The following MMUT variants were observed in gnomAD, a reference collection of about 807,000 sequenced individuals.
MMUT encodes methylmalonyl-CoA mutase, also known as methylmalonyl-CoA mutase, mitochondrial.
Under a neutral mutation model 79.9 loss-of-function variants are expected in MMUT, and 79 were observed. That is an observed-to-expected ratio of 0.99 (90% confidence interval 0.82 to 1.19). The LOEUF is 1.19. Among genes scored for constraint, MMUT ranks in the 50% most tolerant of loss-of-function variants. The probability of loss-of-function intolerance (pLI) is 0.00; values close to 1 mark genes in which losing one functional copy is unlikely to be tolerated. For synonymous variants in MMUT, 273 were observed against 295.7 expected, an observed-to-expected ratio of 0.92 and a Z score of 0.79; for missense variants, 860 against 917.2, an observed-to-expected ratio of 0.94 and a Z score of 0.81.
In MMUT at chr6:49,459,152, C is replaced by T; in HGVS notation, c.315G>A (p.Trp105Ter). The T allele has an allele frequency of 1.2e-6, 2 of 1,614,102 alleles. No individual in the cohort carries two copies. Among genetic ancestry groups the T allele is most frequent in the Non-Finnish European group, 1.7e-6 (2 of 1,180,000 alleles). ...TAAAACCAGCATACTGGCGGATGGT[C>T]CAGGGCCTAAAGGTATACATGGTAG... is the stretch of plus-strand genomic sequence containing the variant. ...PYPTMYTFRPWTIRQYAGFST... is the reference protein window; with the variant it reads ...PYPTMYTFRP Residue 105 changes from tryptophan (W) to a stop codon, truncating the protein, a stop_gained, in exon 2 of 13, where the codon TGG becomes TGA. Transcript: ENST00000274813. LOFTEE classifies it high-confidence loss of function.
intron 12 of MMUT, 93 bp downstream of exon 12, chr6:49,435,363 C>A: frequency 7.9e-7 from 1 of 1,268,620 alleles, no homozygotes; most frequent in Admixed American, 1.8e-5. Context: ...ATAATATGTT[C>A]CTAAATCTAC....
Position 49,457,992 on chromosome 6 carries a change from G to C in MMUT, c.452C>G (p.Pro151Arg). 6.2e-7 allele frequency: 1 copy of C among 1,606,420 alleles called. No individual in the cohort carries two copies. Among genetic ancestry groups the C allele is most frequent in the Non-Finnish European group, 8.5e-7 (1 of 1,179,924 alleles). ...ATHRGYDSDN[P>R]RVRGDVGMAG... ...CATTCCAACATCACCACGAACTCGA[G>C]GGTTGTCTGAATCATAGCCACGATG... The change falls in exon 3 of 13, where the codon CCT (proline) becomes CGT (arginine). Residue 151 changes from proline to arginine, a missense_variant. By Grantham distance (103) the Pro-to-Arg change is moderately radical. Transcript: ENST00000274813.
chr6:49,441,036 A>C (rs1211367297), intron 10 of MMUT, among the ~76,000 whole-genome samples: 1 of 152,138 alleles, frequency 6.6e-6, no homozygotes, highest in Non-Finnish European at 1.5e-5. Flanking sequence ...CAACACAAAA[A>C]AGCACTTATC....
In MMUT at chr6:49,442,882, G is replaced by A. The variant is rs142870976; in HGVS notation, c.1677-911C>T. Among the ~76,000 whole-genome samples the A allele has an allele frequency of 3.7e-3, 563 of 152,086 alleles. 13 individuals are homozygous for A. The highest frequency in any genetic ancestry group is 7.4e-3 in the East Asian group (38 of 5,170). ...CATCTAGCACATCTTGCAGACTATC[G>A]GAAGATTAGGTTTGAATATAAAAGG... On this transcript the variant is annotated intron_variant, in intron 9 of 12. Transcript: ENST00000274813.
chr6:49,457,545 A>T, intron 3 of MMUT, 146 bp downstream of exon 3: 1 of 654,934 alleles, frequency 1.5e-6, no homozygotes, highest in Non-Finnish European at 2.5e-6. Flanking sequence ...ACATAAAATT[A>T]GTACATTAAA....
chr6:49,449,585 G>C (rs752076866), intron 6 of MMUT, among the ~76,000 whole-genome samples: 1 of 152,066 alleles, frequency 6.6e-6, no homozygotes. Context: ...AAATGAACTC[G>C]AGACACAATG....
rs1766946751 is a variant in MMUT, at chr6:49,430,480, G to T, written c.*1248C>A. ...TTTACAAGGAAAAGTCAATAAAATGGCATAGTGAATATATCATTGGACTTG... is the reference window on the plus strand; with the variant it reads ...TTTACAAGGAAAAGTCAATAAAATGTCATAGTGAATATATCATTGGACTTG... On this transcript the variant is annotated 3_prime_UTR_variant, in exon 13 of 13. Coordinates refer to ENST00000274813, the MANE Select transcript of MMUT (RefSeq NM_000255.4). 6.6e-6 allele frequency: 1 copy of T among 152,100 alleles called. No individual in the cohort carries two copies. The highest frequency in any genetic ancestry group is 3.2e-3 in the Middle Eastern group (1 of 316). 9.4% of individuals were successfully genotyped at this position (152,100 alleles called of 1,614,324 possible).
At chr6:49,453,102 C>T (rs1767597255) in intron 5 of MMUT, among the ~76,000 whole-genome samples, 1 of 138,864 alleles carries the variant, frequency 7.2e-6, no homozygotes, top group Admixed American at 8.1e-5. Context: ...AGTGCAGTGG[C>T]GTCATCTTGG....
chr6:49,455,076 C>T (rs1489281981), intron 4 of MMUT, among the ~76,000 whole-genome samples: 2 of 151,896 alleles, frequency 1.3e-5, no homozygotes, highest in Non-Finnish European at 2.9e-5. Context: ...AAAATAAACC[C>T]ACAACATGTT....
chr6:49,453,303 C>T (rs1414608617), intron 5 of MMUT, among the ~76,000 whole-genome samples: 2 of 152,060 alleles, frequency 1.3e-5, no homozygotes, highest in Admixed American at 6.5e-5. Flanking sequence ...TGAGCCAACT[C>T]GCCCAGCCTT....
intron 12 of MMUT, among the ~76,000 whole-genome samples, chr6:49,432,797 G>A (rs892586936): frequency 2.0e-5 from 3 of 152,132 alleles, no homozygotes; most frequent in African/African-American, 7.2e-5. Context: ...CTGCAATATC[G>A]ATTGATGTTA....
At chr6:49,457,280 G>T (rs1767712525) in intron 3 of MMUT, among the ~76,000 whole-genome samples, 1 of 152,280 alleles carries the variant, frequency 6.6e-6, no homozygotes, top group East Asian at 1.9e-4. Flanking sequence ...GAATATTAGG[G>T]ACCTCCTTGA....
intron 8 of MMUT, among the ~76,000 whole-genome samples, chr6:49,447,161 C>G: frequency 6.6e-6 from 1 of 151,792 alleles, no homozygotes; most frequent in East Asian, 1.9e-4. Context: ...GTAAACTGTA[C>G]CTTACTAAAG....
intron 10 of MMUT, 76 bp from the exon 11 acceptor site, chr6:49,440,429 A>T (rs1439578305): frequency 2.1e-5 from 30 of 1,431,402 alleles, no homozygotes; most frequent in Non-Finnish European, 2.9e-5. Flanking sequence ...TAATTTATTC[A>T]CAGCAAATCT....
chr6:49,447,196 A>G (rs1448607118), intron 8 of MMUT, among the ~76,000 whole-genome samples: 1 of 151,936 alleles, frequency 6.6e-6, no homozygotes, highest in Non-Finnish European at 1.5e-5. Flanking sequence ...GTTGAATTTT[A>G]AAAATCAAAA....
chr6:49,435,643 A>G lies in MMUT; in HGVS notation c.1957-20T>C. On this transcript the variant is annotated intron_variant, in intron 11 of 12. Transcript: ENST00000274813. The stretch of plus-strand genomic sequence containing the variant: ...AGGAGTCTAAACAGTCAGAAAGTAA[A>G]GATAAATCATTGTTTATTACTAGAT... 6.2e-7 allele frequency: 1 copy of G among 1,609,048 alleles called. No individual in the cohort carries two copies.
At chr6:49,454,589 T>G (rs1767641142) in intron 4 of MMUT, among the ~76,000 whole-genome samples, 1 of 152,234 alleles carries the variant, frequency 6.6e-6, no homozygotes, top group African/African-American at 2.4e-5. Context: ...ATTACAGGCA[T>G]GAGCCACCAC....
intron 8 of MMUT, among the ~76,000 whole-genome samples, chr6:49,446,000 G>A (rs1466332434): frequency 2.0e-5 from 3 of 151,958 alleles, no homozygotes; most frequent in Non-Finnish European, 4.4e-5. Flanking sequence ...TTGGATCACT[G>A]TAAGCTTCTT....
intron 5 of MMUT, 52 bp downstream of exon 5, chr6:49,453,533 A>AAT (rs1396844853): frequency 6.4e-5 from 66 of 1,024,532 alleles, no homozygotes; most frequent in East Asian, 2.7e-4. Flanking sequence ...GCTCAGAAAA[A>AAT]ATATATATAT....
Sources: allele counts gnomAD v4.1 joint callset (sites outside exome capture counted in the v4.1 genomes callset), GRCh38; gene constraint gnomAD v4.1.1; transcripts MANE v1.5; gene names NCBI Gene and HGNC (gene_info 2026-07-23, HGNC 2026-07-21).